EOGT: variants seen among roughly 807,000 people sequenced by gnomAD.
EOGT encodes EGF domain-specific O-linked N-acetylglucosamine transferase.
In EOGT, 55 loss-of-function variants were observed where a neutral mutation model predicts 70.5. The ratio of observed to expected loss-of-function variants is 0.78; its 90% CI spans 0.63 to 0.98. EOGT has a LOEUF of 0.98. Among genes scored for constraint, EOGT ranks in the 50% least tolerant of loss-of-function variants. The pLI is 0.00. For missense variants in EOGT, 703 were observed against 641.9 expected (o/e 1.10, Z -1.03); for synonymous variants, 246 against 217.1 (o/e 1.13, Z -1.17).
At chr3:68,999,812 G>A (rs1024304871) in intron 9 of EOGT, among the ~76,000 whole-genome samples, 4 of 152,126 alleles carry the variant, frequency 2.6e-5, no homozygotes, top group Admixed American at 2.0e-4. Context: ...CAGTGCTTGG[G>A]GTTGCAAGAA....
intron 15 of EOGT, among the ~76,000 whole-genome samples, chr3:68,982,505 G>C (rs1187274629): frequency 3.3e-5 from 5 of 152,242 alleles, no homozygotes; most frequent in South Asian, 2.1e-4. Flanking sequence ...GGGTGACAGA[G>C]CAAGATTCTG....
At chr3:68,978,020 G>A (rs1197246179) in intron 17 of EOGT, among the ~76,000 whole-genome samples, 1 of 152,204 alleles carries the variant, frequency 6.6e-6, no homozygotes, top group Non-Finnish European at 1.5e-5. Flanking sequence ...GCATGACTGT[G>A]CTTTCTTTAC....
At chr3:68,979,516 C>T in intron 16 of EOGT, 152 bp downstream of exon 16, 2 of 791,434 alleles carry the variant, frequency 2.5e-6, no homozygotes, top group Non-Finnish European at 3.6e-6. Context: ...TTTTTAGCTT[C>T]AGGCCTCTTT....
intron 2 of EOGT, chr3:69,012,240 C>CAT (rs1441251871): frequency 5.9e-5 from 9 of 152,232 alleles, no homozygotes; most frequent in African/African-American, 2.2e-4. Flanking sequence ...GAGGAGGTGG[C>CAT]CCACTTTCTA....
rs2090693625 is a variant in EOGT, at chr3:68,982,964, A to G, written c.1153-92T>C. On this transcript the variant is annotated intron_variant, in intron 14 of 17. Coordinates refer to ENST00000383701, the MANE Select transcript of EOGT (RefSeq NM_001278689.2). ...TCCTAAAATTTCTTTTTTTGCATATACTATTTCAGATATTAAATATCATTT... is the reference window on the plus strand; with the variant it reads ...TCCTAAAATTTCTTTTTTTGCATATGCTATTTCAGATATTAAATATCATTT... The G allele has an allele frequency of 5.7e-6, 4 of 695,960 alleles. No individual in the cohort carries two copies. In the East Asian group the frequency reaches 1.1e-4, roughly 20 times the overall value. 43.1% of individuals were successfully genotyped at this position (695,960 alleles called of 1,614,324 possible).
At chr3:69,006,175 A>C (rs1358928539) in intron 6 of EOGT, among the ~76,000 whole-genome samples, 1 of 152,246 alleles carries the variant, frequency 6.6e-6, no homozygotes, top group Non-Finnish European at 1.5e-5. Context: ...TTGAAAGAGG[A>C]GTGCAAGATA....
chr3:69,007,876 G>A lies in EOGT; in HGVS notation c.312-55C>T. 4.1e-6 allele frequency: 5 copies of A among 1,230,704 alleles called. No homozygotes were observed. In the South Asian group the frequency reaches 6.7e-5, roughly 17 times the overall value. The allele number at this position is 1,230,704 out of a possible 1,614,324, so 76.2% of individuals were successfully genotyped here. ...TTTTCTTTTTACTTTTTTGGACCTT[G>A]AATTTTCATTCTAAAGGTTAAAATG... On this transcript the variant is annotated intron_variant, in intron 5 of 17. Coordinates refer to ENST00000383701, the MANE Select transcript of EOGT (RefSeq NM_001278689.2).
At chr3:68,997,518 G>A (rs1158762218) in intron 10 of EOGT, among the ~76,000 whole-genome samples, 1 of 152,082 alleles carries the variant, frequency 6.6e-6, no homozygotes, top group Non-Finnish European at 1.5e-5. Context: ...ACATGTGTCT[G>A]CCACCGTATC....
In EOGT at chr3:68,988,282, GT is replaced by G; in HGVS notation, c.1083+12del. 6.6e-7 allele frequency: 1 copy of G among 1,521,410 alleles called. No individual in the cohort carries two copies. Among genetic ancestry groups the G allele is most frequent in the Admixed American group, 2.0e-5 (1 of 50,664 alleles). The allele number at this position is 1,521,410 out of a possible 1,614,324, so 94.2% of individuals were successfully genotyped here. A position where few individuals can be genotyped will look rare whatever the true frequency, so the allele number is the denominator to read the frequency against. ...ACTCAAGCCCACCTCAGAATCCGCAGTGTATCCATTACCTTAGGTCCTTCTT... is the reference window on the plus strand; with the variant it reads ...ACTCAAGCCCACCTCAGAATCCGCAGGTATCCATTACCTTAGGTCCTTCTT... On this transcript the variant is annotated intron_variant, in intron 13 of 17. Transcript: ENST00000383701.
intron 14 of EOGT, among the ~76,000 whole-genome samples, chr3:68,983,970 G>GA (rs571842020): frequency 1.3e-5 from 2 of 152,024 alleles, no homozygotes; most frequent in Non-Finnish European, 2.9e-5. Flanking sequence ...TCTAAAAAAA[G>GA]AAAAAAACAT....
At chr3:68,988,655 T>C (rs1456568552) in intron 11 of EOGT, 78 bp from the exon 12 acceptor site, 6 of 841,464 alleles carry the variant, frequency 7.1e-6, no homozygotes, top group South Asian at 1.7e-5. Context: ...TTTTGAGAAA[T>C]AGATTTTAAT....
At chr3:69,000,438 T>C (rs2091265968) in intron 9 of EOGT, among the ~76,000 whole-genome samples, 1 of 152,246 alleles carries the variant, frequency 6.6e-6, no homozygotes. Flanking sequence ...TTAATTTGCA[T>C]GTTTTAAAAA....
At position 68,980,813 on chromosome 3, in the gene EOGT, G is replaced by A. The variant is rs528737622; in HGVS notation, c.1215-1026C>T. Reference sequence around the variant, plus strand: ...CCCCTGCACTGCCAGTTGTGGAAACGCCTGTGGTCAGCACTCACCAATCCC... The same window carrying A: ...CCCCTGCACTGCCAGTTGTGGAAACACCTGTGGTCAGCACTCACCAATCCC... On this transcript the variant is annotated intron_variant, in intron 15 of 17. Transcript: ENST00000383701. Among the ~76,000 whole-genome samples, 3 of 152,292 alleles carry A rather than the reference G, an allele frequency of 2.0e-5. No individual in the cohort carries two copies. In the East Asian group the frequency reaches 5.8e-4, roughly 29 times the overall value.
At position 68,976,348 on chromosome 3, in the gene EOGT, G is replaced by A. The variant is rs1448579387; in HGVS notation, c.*1270C>T. 1 of 152,144 alleles carries A rather than the reference G, an allele frequency of 6.6e-6. No individual in the cohort carries two copies. Among genetic ancestry groups the A allele is most frequent in the Non-Finnish European group, 1.5e-5 (1 of 68,006 alleles). The allele number at this position is 152,144 out of a possible 1,614,324, so 9.4% of individuals were successfully genotyped here. A position where few individuals can be genotyped will look rare whatever the true frequency, so the allele number is the denominator to read the frequency against. On this transcript the variant is annotated 3_prime_UTR_variant, in exon 18 of 18. Transcript: ENST00000383701. ...CAGTTACAAATACTCGCATAAAATG[G>A]AAACCATTATTTCATATATAAATTA...
intron 3 of EOGT, 39 bp from the exon 4 acceptor site, chr3:69,009,899 C>G (rs1186114933): frequency 8.3e-7 from 1 of 1,202,248 alleles, no homozygotes; most frequent in South Asian, 1.4e-5. Context: ...TAACAAATTT[C>G]CTTTAAAAGC....
Position 68,988,938 on chromosome 3 carries a change from T to C in EOGT, c.911A>G (p.Tyr304Cys). Residue 304 changes from tyrosine to cysteine, a missense_variant, in exon 11 of 18, where the codon TAT becomes TGT. Physicochemically the swap from Tyr to Cys is radical, Grantham distance 194. Transcript: ENST00000383701. ...AATTTCCAGTACCCTTTTGGAATCA[T>C]AAGTTTTCAAATGTATAACGTCATA... The part of the protein sequence containing the change: ...TDYDVIHLKT[Y>C]DSKRVCFKEA... The C allele has an allele frequency of 6.6e-7, 1 of 1,522,224 alleles. No homozygotes were observed. The highest frequency in any genetic ancestry group is 8.8e-7 in the Non-Finnish European group (1 of 1,138,194). 94.3% of individuals were successfully genotyped at this position (1,522,224 alleles called of 1,614,324 possible).
At chr3:68,996,652 T>C (rs2091156589) in intron 10 of EOGT, among the ~76,000 whole-genome samples, 1 of 152,200 alleles carries the variant, frequency 6.6e-6, no homozygotes, top group African/African-American at 2.4e-5. Flanking sequence ...CAGGCGAATC[T>C]TGTCTCCTTG....
chr3:68,998,112 C>A lies in EOGT; in HGVS notation c.730G>T (p.Val244Phe), dbSNP rs1386656563. Residue 244 changes from valine to phenylalanine, a missense_variant and splice_region_variant, in exon 10 of 18, where the codon GTT (valine) becomes TTT (phenylalanine). By Grantham distance (50) the Val-to-Phe change is conservative. Coordinates refer to ENST00000383701, the MANE Select transcript of EOGT (RefSeq NM_001278689.2). Reference protein sequence around the residue: ...PTYFMKLDAGVNMYHHFCDFI... With the variant: ...PTYFMKLDAGFNMYHHFCDFI... ...TCACAGAAGTGGTGATACATGTTAACACCTAGTGTTGGAAAATGAAACTAC... is the reference window on the plus strand; with the variant it reads ...TCACAGAAGTGGTGATACATGTTAAAACCTAGTGTTGGAAAATGAAACTAC... 7.1e-6 allele frequency: 11 copies of A among 1,544,436 alleles called. No homozygotes were observed. Among genetic ancestry groups the A allele is most frequent in the Non-Finnish European group, 9.8e-6 (11 of 1,126,978 alleles).
intron 15 of EOGT, among the ~76,000 whole-genome samples, chr3:68,981,322 A>G (rs1055694645): frequency 6.6e-6 from 1 of 152,216 alleles, no homozygotes; most frequent in Non-Finnish European, 1.5e-5. Context: ...TGGGTCCCCA[A>G]TAGAGATTTA....
Sources: allele counts gnomAD v4.1 joint callset (sites outside exome capture counted in the v4.1 genomes callset), GRCh38; gene constraint gnomAD v4.1.1; transcripts MANE v1.5; gene names NCBI Gene and HGNC (gene_info 2026-07-23, HGNC 2026-07-21).